The following SRCAP variants were observed in gnomAD, a reference collection of about 807,000 sequenced individuals.
SRCAP encodes Snf2 related CREBBP activator protein, also known as chromatin remodeling protein SRCAP.
In SRCAP, 46 loss-of-function variants were observed where a neutral mutation model predicts 263.1. That is an observed-to-expected ratio of 0.17 (90% CI 0.14 to 0.22). The LOEUF (loss-of-function observed/expected upper bound fraction) is 0.22, where lower values mean the gene tolerates loss of function less well. SRCAP is among the 10% of genes least tolerant of loss of function. The probability of loss-of-function intolerance (pLI) is 1.00; values close to 1 mark genes in which losing one functional copy is unlikely to be tolerated. For synonymous variants in SRCAP, 1,813 were observed against 1,662.1 expected, an observed-to-expected ratio of 1.09 and a Z score of -2.21; for missense variants, 3,695 against 4,181.9, an observed-to-expected ratio of 0.88 and a Z score of 3.21.
intron 8 of SRCAP, 116 bp downstream of exon 8, chr16:30,710,244 A>G (rs2052872950): frequency 9.2e-7 from 1 of 1,089,114 alleles, no homozygotes; most frequent in South Asian, 1.6e-5. Context: ...CTAGTAATGG[A>G]CATTTGGGCT....
At chr16:30,722,047 T>C in intron 21 of SRCAP, 75 bp from the exon 22 acceptor site, 1 of 1,525,356 alleles carries the variant, frequency 6.6e-7, no homozygotes, top group Non-Finnish European at 8.9e-7. Context: ...GGGGGAGAGG[T>C]GTGCTTCATG....
chr16:30,715,171 C>T (rs2052934484), intron 16 of SRCAP, among the ~76,000 whole-genome samples: 2 of 152,236 alleles, frequency 1.3e-5, no homozygotes, highest in Admixed American at 1.3e-4. Context: ...GAGAGTTCCT[C>T]TTGAACTCAA....
chr16:30,712,855 C>T (rs2052906038), intron 14 of SRCAP, 40 bp downstream of exon 14: 1 of 1,604,520 alleles, frequency 6.2e-7, no homozygotes, highest in Non-Finnish European at 8.5e-7. Flanking sequence ...CCATTGATGC[C>T]TCCTTTATTT....
At position 30,709,844 on chromosome 16, in the gene SRCAP, G is replaced by A; in HGVS notation, c.857-7G>A. On this transcript the variant is annotated splice_polypyrimidine_tract_variant and splice_region_variant and intron_variant, in intron 7 of 33. Transcript: ENST00000262518. ...GTGGACTTTGTGACCTTGTTCTCCT[G>A]CTATAGATGGGGACTTTCAACCCCA... 3.1e-6 allele frequency: 5 copies of A among 1,613,948 alleles called. No homozygotes were observed. The highest frequency in any genetic ancestry group is 4.2e-6 in the Non-Finnish European group (5 of 1,179,846).
rs1388137197 is a variant in SRCAP, at chr16:30,740,205, C to T, written c.*472C>T. On this transcript the variant is annotated 3_prime_UTR_variant, in exon 34 of 34. Transcript: ENST00000262518. ...AACTTGGGCATCGTTTTTCTCCTCC[C>T]TCTTGTTCTTGCAAAGATCCTAGCA... The T allele has an allele frequency of 1.3e-5, 2 of 152,456 alleles. No individual in the cohort carries two copies. The highest frequency in any genetic ancestry group is 1.9e-4 in the East Asian group (1 of 5,206). The allele number at this position is 152,456 out of a possible 1,614,324, so 9.4% of individuals were successfully genotyped here.
chr16:30,706,533 AC>A (rs2052829244), intron 4 of SRCAP, among the ~76,000 whole-genome samples: 1 of 152,240 alleles, frequency 6.6e-6, no homozygotes, highest in Non-Finnish European at 1.5e-5. Context: ...TAAATAAAAG[AC>A]AATCAGTGTA....
chr16:30,720,211 C>G lies in SRCAP; in HGVS notation c.2867C>G (p.Ser956Cys). 1 of 1,614,040 alleles carries G rather than the reference C, an allele frequency of 6.2e-7. No individual in the cohort carries two copies. Among genetic ancestry groups the G allele is most frequent in the Non-Finnish European group, 8.5e-7 (1 of 1,179,902 alleles). Reference protein sequence around the residue: ...FDLIGLEGRVSRYEADTFLPR... With the variant: ...FDLIGLEGRVCRYEADTFLPR... Reference sequence around the variant, plus strand: ...CTTATTGGCCTGGAAGGTCGTGTCTCTCGATATGAGGCAGACACATTTCTG... The same window carrying G: ...CTTATTGGCCTGGAAGGTCGTGTCTGTCGATATGAGGCAGACACATTTCTG... The change falls in exon 19 of 34, where the codon TCT (serine) becomes TGT (cysteine). Residue 956 changes from serine to cysteine, a missense_variant. Ser to Cys is a moderately radical substitution (Grantham distance 112). Around this residue, in one of 12 missense-constraint regions of SRCAP, gnomAD observed 147 missense variants for 212.7 expected, o/e 0.69. Transcript: ENST00000262518.
chr16:30,724,285 G>A lies in SRCAP; in HGVS notation c.4861G>A (p.Val1621Ile), dbSNP rs1424269907. 7 of 1,613,934 alleles carry A rather than the reference G, an allele frequency of 4.3e-6. No homozygotes were observed. Among genetic ancestry groups the A allele is most frequent in the Non-Finnish European group, 4.2e-6 (5 of 1,180,016 alleles). Residue 1621 changes from valine (V) to isoleucine (I), a missense_variant, in exon 25 of 34, where the codon GTC becomes ATC. By Grantham distance (29) the Val-to-Ile change is conservative. This residue lies in a region of SRCAP where 1,347 missense variants were observed against 1,304.4 expected (regional missense o/e 1.03). Transcript: ENST00000262518. ...GGCACCATCGCCAGGTGCTGCTCCTGTCCTGGCTTCATCACAGACTCCGGT... is the reference window on the plus strand; with the variant it reads ...GGCACCATCGCCAGGTGCTGCTCCTATCCTGGCTTCATCACAGACTCCGGT... ...VLAPSPGAAP[V>I]LASSQTPVPV...
intron 9 of SRCAP, 23 bp downstream of exon 9, chr16:30,710,870 T>A (rs760730811): frequency 6.2e-7 from 1 of 1,612,174 alleles, no homozygotes; most frequent in Non-Finnish European, 8.5e-7. Flanking sequence ...CGGTTTGTCC[T>A]ATTGCCCCTT....
chr16:30,722,911 TG>T, intron 23 of SRCAP, 51 bp from the exon 24 acceptor site: 1 of 1,565,154 alleles, frequency 6.4e-7, no homozygotes, highest in South Asian at 1.2e-5. Flanking sequence ...TTCCATTCTT[TG>T]GGTCTTTTGT....
At chr16:30,731,384 G>T (rs2053113114) in intron 27 of SRCAP, among the ~76,000 whole-genome samples, 2 of 152,234 alleles carry the variant, frequency 1.3e-5, no homozygotes, top group Non-Finnish European at 2.9e-5. Context: ...TGGCTATTGG[G>T]TAAGTGACTA....
intron 18 of SRCAP, among the ~76,000 whole-genome samples, chr16:30,718,467 G>A (rs907865394): frequency 8.0e-5 from 12 of 150,514 alleles, no homozygotes; most frequent in Non-Finnish European, 1.5e-5. Context: ...GTGAGCCACT[G>A]TGCCTGGCTT....
intron 18 of SRCAP, among the ~76,000 whole-genome samples, chr16:30,719,514 CT>C (rs1038930447): frequency 5.4e-4 from 78 of 145,608 alleles, no homozygotes; most frequent in Admixed American, 6.9e-4. Flanking sequence ...CGCACCCGGC[CT>C]TTTTTTTTTT....
In SRCAP at chr16:30,724,274, G is replaced by T. The variant is rs954367435; in HGVS notation, c.4850G>T (p.Gly1617Val). The T allele has an allele frequency of 8.1e-6, 13 of 1,613,704 alleles. No homozygotes were observed. Among genetic ancestry groups the T allele is most frequent in the African/African-American group, 1.3e-5 (1 of 74,774 alleles). The part of the protein sequence containing the change: ...APLPVLAPSP[G>V]AAPVLASSQT... ...CTTCCGGTCCTGGCACCATCGCCAGGTGCTGCTCCTGTCCTGGCTTCATCA... is the reference window on the plus strand; with the variant it reads ...CTTCCGGTCCTGGCACCATCGCCAGTTGCTGCTCCTGTCCTGGCTTCATCA... The change falls in exon 25 of 34, where the codon GGT becomes GTT. Residue 1617 changes from glycine (G) to valine (V), a missense_variant. Gly to Val is a moderately radical substitution (Grantham distance 109, BLOSUM62 -3). This residue lies in a region of SRCAP where 1,347 missense variants were observed against 1,304.4 expected (regional missense o/e 1.03). Transcript: ENST00000262518.
chr16:30,704,378 C>T, intron 4 of SRCAP, 63 bp downstream of exon 4: 2 of 1,510,304 alleles, frequency 1.3e-6, no homozygotes, highest in South Asian at 1.3e-5. Context: ...CCCACGTCCT[C>T]TTGAGTATTT....
chr16:30,700,503 C>T lies in SRCAP; in HGVS notation c.-209-113C>T, dbSNP rs73536495. On this transcript the variant is annotated intron_variant, in intron 2 of 33. Transcript: ENST00000262518. ...ATAGTAAGTGCTCAAGAAATGTAAC[C>T]TGTAATTTCTGTGTTTCTCTTTATT... 2,033 of 249,234 alleles carry T rather than the reference C, an allele frequency of 8.2e-3. 41 individuals are homozygous for T. Among genetic ancestry groups the T allele is most frequent in the African/African-American group, 0.042 (1,905 of 45,012 alleles). 15.4% of individuals were successfully genotyped at this position (249,234 alleles called of 1,614,324 possible).
chr16:30,716,029 G>A (rs749677257), intron 16 of SRCAP, 37 bp from the exon 17 acceptor site: 3 of 1,612,818 alleles, frequency 1.9e-6, no homozygotes, highest in African/African-American at 1.3e-5. Flanking sequence ...CGGTGCCTGA[G>A]TTCTCCTGTT....
In SRCAP at chr16:30,716,296, TAAG is replaced by T; in HGVS notation, c.2635_2637del (p.Lys879del). 6.2e-7 allele frequency: 1 copy of T among 1,614,132 alleles called. No individual in the cohort carries two copies. The highest frequency in any genetic ancestry group is 8.5e-7 in the Non-Finnish European group (1 of 1,180,016). Reference sequence around the variant, plus strand: ...TTTATTTTTCCTCTTTCCCCAGAACTAAGGAGACACTAGCCACAGGCCATTTCA... The same window carrying T: ...TTTATTTTTCCTCTTTCCCCAGAACTGAGACACTAGCCACAGGCCATTTCA... On this transcript the variant is annotated inframe_deletion, in exon 18 of 34. Coordinates refer to ENST00000262518, the MANE Select transcript of SRCAP (RefSeq NM_006662.3).
chr16:30,725,201 C>T, intron 25 of SRCAP, 119 bp downstream of exon 25: 1 of 1,472,430 alleles, frequency 6.8e-7, no homozygotes, highest in Non-Finnish European at 8.9e-7. Flanking sequence ...ATGTTATGGA[C>T]CAAGTACTTG....
Sources: gnomAD v4.1 joint callset for allele counts (sites outside exome capture counted in the v4.1 genomes callset) on GRCh38, gnomAD v4.1.1 for gene constraint, gnomAD v4.1.1 regional missense constraint, MANE v1.5 for transcripts, NCBI Gene and HGNC (gene_info 2026-07-23, HGNC 2026-07-21) for gene names.